The following SLC2A13 variants were observed in gnomAD, a reference collection of about 807,000 sequenced individuals.
SLC2A13 encodes solute carrier family 2 member 13, also known as proton myo-inositol cotransporter.
A neutral mutation model predicts 64.4 loss-of-function variants in SLC2A13; 32 were observed. That is an observed-to-expected ratio of 0.50 (90% CI 0.37 to 0.67). The LOEUF is 0.67. Among genes scored for constraint, SLC2A13 ranks in the 30% least tolerant of loss-of-function variants. The pLI is 0.00. For synonymous variants in SLC2A13, 338 were observed against 327.1 expected (o/e 1.03, Z -0.36); for missense variants, 743 against 829.2 (o/e 0.90, Z 1.28).
At chr12:39,882,932 T>C (rs1237582360) in intron 4 of SLC2A13, among the ~76,000 whole-genome samples, 3 of 152,206 alleles carry the variant, frequency 2.0e-5, no homozygotes, top group East Asian at 1.9e-4. Context: ...CCCAAAAGAA[T>C]AGTCTATGTG....
chr12:39,894,481 CAG>C (rs1477327101), intron 4 of SLC2A13, among the ~76,000 whole-genome samples: 1 of 151,766 alleles, frequency 6.6e-6, no homozygotes, highest in Non-Finnish European at 1.5e-5. Flanking sequence ...GAATAACAAA[CAG>C]GGATAAAATT....
At chr12:40,064,958 T>C (rs141045898) in intron 1 of SLC2A13, among the ~76,000 whole-genome samples, 2 of 152,280 alleles carry the variant, frequency 1.3e-5, no homozygotes, top group East Asian at 3.9e-4. Context: ...AAAAACTAAA[T>C]ATTGATATCC....
intron 7 of SLC2A13, among the ~76,000 whole-genome samples, chr12:39,824,764 G>C (rs1484366787): frequency 6.6e-6 from 1 of 152,080 alleles, no homozygotes; most frequent in Non-Finnish European, 1.5e-5. Flanking sequence ...GAGTGCTAGA[G>C]GGCAGCAGGA....
At chr12:39,896,503 T>C (rs1038363900) in intron 4 of SLC2A13, among the ~76,000 whole-genome samples, 5 of 146,456 alleles carry the variant, frequency 3.4e-5, no homozygotes, top group African/African-American at 9.9e-5. Context: ...CACATATATG[T>C]ATGTACATGT....
At chr12:39,780,360 A>T (rs12424789) in intron 7 of SLC2A13, among the ~76,000 whole-genome samples, 33,128 of 152,150 alleles carry the variant, frequency 0.22, 4,438 homozygotes, top group Non-Finnish European at 0.31. Context: ...CTTTTTATGG[A>T]ATTTGAATGG....
intron 4 of SLC2A13, among the ~76,000 whole-genome samples, chr12:39,894,818 G>A: frequency 6.6e-6 from 1 of 151,838 alleles, no homozygotes; most frequent in East Asian, 1.9e-4. Flanking sequence ...ATGCAAGAAA[G>A]ATAAAGAGAG....
chr12:39,877,824 A>G (rs1234579300), intron 4 of SLC2A13, among the ~76,000 whole-genome samples: 1 of 152,234 alleles, frequency 6.6e-6, no homozygotes, highest in African/African-American at 2.4e-5. Flanking sequence ...TCCATCTGAT[A>G]TAATTTGGAT....
Position 39,951,239 on chromosome 12 carries a change from C to A in SLC2A13, c.1034+18G>T. On this transcript the variant is annotated intron_variant, in intron 4 of 9. Transcript: ENST00000280871. ...CTTTCACAATCTTTTCAGTAAAAAGCCAGAAAGAAATACATACATGATGGT... is the reference window on the plus strand; with the variant it reads ...CTTTCACAATCTTTTCAGTAAAAAGACAGAAAGAAATACATACATGATGGT... 6.3e-7 allele frequency: 1 copy of A among 1,597,570 alleles called. No individual in the cohort carries two copies. Among genetic ancestry groups the A allele is most frequent in the Non-Finnish European group, 8.6e-7 (1 of 1,167,964 alleles).
At chr12:39,961,435 C>A (rs1039532357) in intron 3 of SLC2A13, among the ~76,000 whole-genome samples, 2 of 152,172 alleles carry the variant, frequency 1.3e-5, no homozygotes, top group African/African-American at 4.8e-5. Flanking sequence ...GCTTCTGATA[C>A]GTATCCTTAA....
chr12:39,882,834 C>G (rs548506629), intron 4 of SLC2A13, among the ~76,000 whole-genome samples: 2 of 152,306 alleles, frequency 1.3e-5, no homozygotes, highest in East Asian at 3.9e-4. Flanking sequence ...ATCTATACCT[C>G]TTTTAGTAAC....
chr12:39,835,283 A>G (rs912325696), intron 6 of SLC2A13, among the ~76,000 whole-genome samples: 7 of 152,090 alleles, frequency 4.6e-5, no homozygotes, highest in Non-Finnish European at 1.0e-4. Context: ...AAGATTGTAC[A>G]TGAAAGAAAA....
intron 2 of SLC2A13, among the ~76,000 whole-genome samples, chr12:40,036,293 T>A (rs1947982791): frequency 6.6e-6 from 1 of 152,108 alleles, no homozygotes; most frequent in South Asian, 2.1e-4. Flanking sequence ...AACAGAGAAA[T>A]CCACCATAAG....
chr12:39,915,693 T>A (rs1336434912), intron 4 of SLC2A13, among the ~76,000 whole-genome samples: 1 of 151,756 alleles, frequency 6.6e-6, no homozygotes. Context: ...GCACAAAAGT[T>A]TAGGGTTAAA....
intron 1 of SLC2A13, among the ~76,000 whole-genome samples, chr12:40,095,923 G>A (rs1938925977): frequency 6.6e-6 from 1 of 151,900 alleles, no homozygotes; most frequent in African/African-American, 2.4e-5. Context: ...TTAGTTTTTT[G>A]GGGTTTTTCT....
At chr12:39,882,707 G>T (rs1429733087) in intron 4 of SLC2A13, among the ~76,000 whole-genome samples, 1 of 151,930 alleles carries the variant, frequency 6.6e-6, no homozygotes, top group Non-Finnish European at 1.5e-5. Flanking sequence ...CCACATACCC[G>T]ACCAGTCTAC....
chr12:39,942,213 A>C (rs1946042193), intron 4 of SLC2A13, among the ~76,000 whole-genome samples: 1 of 152,102 alleles, frequency 6.6e-6, no homozygotes, highest in Non-Finnish European at 1.5e-5. Flanking sequence ...GTTCCATATG[A>C]ATTTTAGAAC....
chr12:39,793,088 A>G (rs573410785), intron 7 of SLC2A13, among the ~76,000 whole-genome samples: 1 of 152,202 alleles, frequency 6.6e-6, no homozygotes, highest in Non-Finnish European at 1.5e-5. Flanking sequence ...AAACACTACC[A>G]TCATATATGT....
intron 6 of SLC2A13, among the ~76,000 whole-genome samples, chr12:39,849,925 T>G (rs1943422808): frequency 6.6e-6 from 1 of 152,184 alleles, no homozygotes; most frequent in Non-Finnish European, 1.5e-5. Flanking sequence ...TTGTTTCTTC[T>G]TCTGTTTTTG....
intron 6 of SLC2A13, among the ~76,000 whole-genome samples, chr12:39,840,670 G>T (rs560300581): frequency 1.3e-5 from 2 of 152,026 alleles, no homozygotes; most frequent in South Asian, 4.1e-4. Flanking sequence ...CCTGACCCCA[G>T]CAGAATCAGA....
Sources: gnomAD v4.1 joint callset for allele counts (sites outside exome capture counted in the v4.1 genomes callset) on GRCh38, gnomAD v4.1.1 for gene constraint, MANE v1.5 for transcripts, NCBI Gene and HGNC (gene_info 2026-07-23, HGNC 2026-07-21) for gene names.